Variants in CSMD3 observed in about 807,000 individuals in gnomAD.
CSMD3 encodes CUB and Sushi multiple domains 3.
In CSMD3, 177 loss-of-function variants were observed where a neutral mutation model predicts 435.2. The observed-to-expected ratio is 0.41, with a 90% CI of 0.36 to 0.46. The LOEUF (loss-of-function observed/expected upper bound fraction) is 0.46. Among genes scored for constraint, CSMD3 ranks in the 20% least tolerant of loss-of-function variants. CSMD3 has a pLI of 0.34. For missense variants in CSMD3, 4,265 were observed against 4,504.6 expected (o/e 0.95, Z 1.52); for synonymous variants, 1,656 against 1,520.5 (o/e 1.09, Z -2.07).
intron 12 of CSMD3, among the ~76,000 whole-genome samples, chr8:112,829,008 A>G (rs1162487971): frequency 6.6e-6 from 1 of 152,176 alleles, no homozygotes; most frequent in African/African-American, 2.4e-5. Context: ...AAAATTAAAA[A>G]GAAAATAAAA....
At chr8:113,335,565 G>GTTTGTTTTT (rs1263100966) in intron 1 of CSMD3, among the ~76,000 whole-genome samples, 3 of 98,122 alleles carry the variant, frequency 3.1e-5, no homozygotes, top group African/African-American at 4.5e-5. Flanking sequence ...TTTTTTTTGG[G>GTTTGTTTTT]TATTTACATG....
At chr8:113,054,598 C>T (rs2088238210) in intron 5 of CSMD3, among the ~76,000 whole-genome samples, 2 of 151,994 alleles carry the variant, frequency 1.3e-5, no homozygotes, top group Admixed American at 6.6e-5. Flanking sequence ...TCAATCATTC[C>T]CACTAGTTTT....
At chr8:113,198,799 C>A (rs958560767) in intron 3 of CSMD3, among the ~76,000 whole-genome samples, 1 of 151,060 alleles carries the variant, frequency 6.6e-6, no homozygotes, top group Admixed American at 6.6e-5. Context: ...TTTTTCTATT[C>A]TCCATTTAAT....
chr8:112,344,987 CATAAAATTTAGGTTGAATTTATCATTATT>C (rs1195902251), intron 41 of CSMD3, among the ~76,000 whole-genome samples: 1 of 151,984 alleles, frequency 6.6e-6, no homozygotes, highest in Non-Finnish European at 1.5e-5. Context: ...AAACAATGCA[CATAAAATTTAGGTTGAATTTATCATTATT>C]ATACATATCT....
At chr8:112,678,908 G>A (rs2075823814) in intron 16 of CSMD3, among the ~76,000 whole-genome samples, 1 of 151,946 alleles carries the variant, frequency 6.6e-6, no homozygotes, top group South Asian at 2.1e-4. Flanking sequence ...GTAAATGTTG[G>A]AGGCTGCGAT....
Position 112,800,242 on chromosome 8 carries a change from A to G in CSMD3, c.1892T>C (p.Val631Ala), listed in dbSNP as rs2078929293. The G allele has an allele frequency of 1.2e-6, 2 of 1,612,816 alleles. No individual in the cohort carries two copies. Among genetic ancestry groups the G allele is most frequent in the Middle Eastern group, 1.7e-4 (1 of 6,054 alleles). Reference protein sequence around the residue: ...LTGSFVPDLIVSMSSQMWLHL... With the variant: ...LTGSFVPDLIASMSSQMWLHL... ...CAGCCACATTTGGCTACTCATGCTCACTATCAAGTCTGGTACAAAGCTTCC... is the reference window on the plus strand; with the variant it reads ...CAGCCACATTTGGCTACTCATGCTCGCTATCAAGTCTGGTACAAAGCTTCC... Residue 631 changes from valine (V) to alanine (A), a missense_variant, in exon 13 of 71, where the codon GTG (valine) becomes GCG (alanine). Val to Ala is a moderately conservative substitution (Grantham distance 64). This residue lies in a region of CSMD3 where 279 missense variants were observed against 369.0 expected (regional missense o/e 0.76). Coordinates refer to ENST00000297405, the MANE Select transcript of CSMD3 (RefSeq NM_198123.2).
intron 4 of CSMD3, among the ~76,000 whole-genome samples, chr8:113,164,948 C>T (rs577845287): frequency 2.0e-5 from 3 of 152,268 alleles, no homozygotes; most frequent in South Asian, 4.1e-4. Flanking sequence ...TATTCTCCTT[C>T]CTCCATTGGT....
intron 1 of CSMD3, among the ~76,000 whole-genome samples, chr8:113,343,813 T>C (rs573380062): frequency 5.9e-5 from 9 of 152,298 alleles, no homozygotes; most frequent in African/African-American, 2.2e-4. Context: ...GGCTCATGCC[T>C]GTAATCCCAG....
rs537413276 is a variant in CSMD3 at position 112,255,218 on chromosome 8, A to G, written c.10036+36T>C. The G allele has an allele frequency of 1.2e-5, 18 of 1,536,236 alleles. No individual in the cohort carries two copies. The East Asian group carries it at 3.6e-4, about 31-fold the overall frequency. On this transcript the variant is annotated intron_variant, in intron 62 of 70. Coordinates refer to ENST00000297405, the MANE Select transcript of CSMD3 (RefSeq NM_198123.2). ...TAAATGTCACCCCTATTAATTACAC[A>G]GTTACTGTGCATAATCAGCCTTTAA...
At chr8:112,271,235 CAAAT>C (rs775267671) in intron 59 of CSMD3, among the ~76,000 whole-genome samples, 5 of 152,070 alleles carry the variant, frequency 3.3e-5, no homozygotes, top group African/African-American at 7.2e-5. Flanking sequence ...TCATTGATAA[CAAAT>C]AAATAGGAAA....
At chr8:112,897,533 A>G (rs1390078629) in intron 10 of CSMD3, among the ~76,000 whole-genome samples, 1 of 150,942 alleles carries the variant, frequency 6.6e-6, no homozygotes, top group Non-Finnish European at 1.5e-5. Context: ...GCCTCAGCTG[A>G]TAAAGAACTC....
chr8:112,788,380 C>T (rs567035155), intron 13 of CSMD3, among the ~76,000 whole-genome samples: 44 of 152,156 alleles, frequency 2.9e-4, no homozygotes, highest in Non-Finnish European at 5.6e-4. Context: ...CACCACGCAT[C>T]CTAGAATTCT....
chr8:112,406,378 T>A (rs1831861317), intron 35 of CSMD3, 146 bp downstream of exon 35: 1 of 469,366 alleles, frequency 2.1e-6, no homozygotes, highest in Admixed American at 3.9e-5. Flanking sequence ...CTCCACTGAT[T>A]TTTCATATTT....
At chr8:113,080,015 C>T (rs1204968039) in intron 5 of CSMD3, among the ~76,000 whole-genome samples, 1 of 152,050 alleles carries the variant, frequency 6.6e-6, no homozygotes, top group East Asian at 1.9e-4. Flanking sequence ...TTGCATGGCA[C>T]CTTCTGCCTC....
intron 1 of CSMD3, among the ~76,000 whole-genome samples, chr8:113,411,654 T>C (rs146312909): frequency 1.3e-4 from 20 of 152,282 alleles, no homozygotes; most frequent in Non-Finnish European, 2.8e-4. Context: ...AGATTTTCAT[T>C]TCATGTGCTT....
intron 38 of CSMD3, among the ~76,000 whole-genome samples, chr8:112,369,180 T>C (rs958763492): frequency 1.3e-5 from 2 of 152,144 alleles, no homozygotes; most frequent in Non-Finnish European, 2.9e-5. Flanking sequence ...GTTCTTTTCA[T>C]ATTATTAAAT....
intron 13 of CSMD3, among the ~76,000 whole-genome samples, chr8:112,734,393 T>G (rs1476577487): frequency 4.6e-5 from 7 of 151,786 alleles, no homozygotes; most frequent in African/African-American, 1.7e-4. Context: ...ACTAGTAAAT[T>G]GGCAAAAAGT....
intron 45 of CSMD3, among the ~76,000 whole-genome samples, chr8:112,323,425 C>T (rs1321299923): frequency 6.6e-6 from 1 of 151,962 alleles, no homozygotes; most frequent in Non-Finnish European, 1.5e-5. Context: ...TTTCCTGGAA[C>T]CTAAAAATGT....
chr8:112,604,217 C>T (rs1832610196), intron 22 of CSMD3, among the ~76,000 whole-genome samples: 1 of 152,050 alleles, frequency 6.6e-6, no homozygotes, highest in East Asian at 1.9e-4. Flanking sequence ...ACCTTAAGAA[C>T]TGTTTGCAGT....
Sources: allele counts gnomAD v4.1 joint callset (sites outside exome capture counted in the v4.1 genomes callset), GRCh38; gene constraint gnomAD v4.1.1; regional missense constraint gnomAD v4.1.1; transcripts MANE v1.5; gene names NCBI Gene and HGNC (gene_info 2026-07-23, HGNC 2026-07-21).